The following NEGR1 variants were observed in gnomAD, a reference collection of about 807,000 sequenced individuals.
The protein encoded by NEGR1 is neuronal growth regulator 1.
NEGR1 carries 10 observed loss-of-function variants against 40.9 expected under a neutral mutation model. The observed-to-expected ratio is 0.24, with a 90% CI of 0.15 to 0.42. The LOEUF is 0.42. NEGR1 is among the 10% of genes least tolerant of loss of function. NEGR1 has a pLI of 1.00. For missense variants in NEGR1, 352 were observed against 438.9 expected, an observed-to-expected ratio of 0.80 and a Z score of 1.77; for synonymous variants, 185 against 166.8, an observed-to-expected ratio of 1.11 and a Z score of -0.84.
chr1:72,278,334 C>G (rs59875342), intron 1 of NEGR1, among the ~76,000 whole-genome samples: 251 of 152,052 alleles, frequency 1.7e-3, no homozygotes, highest in African/African-American at 5.7e-3. Context: ...TAAAAAAGTA[C>G]AAACTTCATA....
At chr1:71,755,815 T>C (rs939268340) in intron 3 of NEGR1, among the ~76,000 whole-genome samples, 1 of 152,194 alleles carries the variant, frequency 6.6e-6, no homozygotes, top group Non-Finnish European at 1.5e-5. Flanking sequence ...GTAGCTATAA[T>C]TTTTCCTCTT....
At chr1:71,907,384 C>A (rs1004409857) in intron 2 of NEGR1, among the ~76,000 whole-genome samples, 3 of 151,998 alleles carry the variant, frequency 2.0e-5, no homozygotes, top group Non-Finnish European at 4.4e-5. Context: ...TTATCAGAGA[C>A]ATAATTTGAA....
At chr1:71,564,282 C>T (rs548154738) in intron 6 of NEGR1, among the ~76,000 whole-genome samples, 1 of 152,086 alleles carries the variant, frequency 6.6e-6, no homozygotes, top group Admixed American at 6.6e-5. Flanking sequence ...TTATCATCAC[C>T]ACATACACTC....
At chr1:71,883,030 A>G (rs1660624001) in intron 2 of NEGR1, among the ~76,000 whole-genome samples, 1 of 152,122 alleles carries the variant, frequency 6.6e-6, no homozygotes, top group Admixed American at 6.6e-5. Flanking sequence ...ACTCAATTCA[A>G]TATATGTAAA....
intron 6 of NEGR1, among the ~76,000 whole-genome samples, chr1:71,544,680 C>T (rs1166566789): frequency 2.6e-5 from 4 of 151,712 alleles, no homozygotes; most frequent in Admixed American, 6.6e-5. Context: ...GTACAATTAT[C>T]TCCTGTCTGA....
intron 1 of NEGR1, among the ~76,000 whole-genome samples, chr1:72,132,478 GA>G (rs1650295519): frequency 6.6e-6 from 1 of 152,130 alleles, no homozygotes; most frequent in Admixed American, 6.5e-5. Flanking sequence ...AGCCATTCAT[GA>G]AAACAAACAA....
At chr1:72,043,761 G>A (rs1319880329) in intron 1 of NEGR1, among the ~76,000 whole-genome samples, 2 of 151,770 alleles carry the variant, frequency 1.3e-5, no homozygotes, top group African/African-American at 4.8e-5. Flanking sequence ...GTCACATATT[G>A]AATTCGCGGG....
intron 1 of NEGR1, among the ~76,000 whole-genome samples, chr1:72,091,132 C>A (rs1648473425): frequency 6.6e-6 from 1 of 152,068 alleles, no homozygotes; most frequent in Non-Finnish European, 1.5e-5. Context: ...CATTTAGACT[C>A]ATTTTACTAG....
chr1:72,198,416 A>G (rs1011755833), intron 1 of NEGR1, among the ~76,000 whole-genome samples: 8 of 152,068 alleles, frequency 5.3e-5, no homozygotes, highest in African/African-American at 1.9e-4. Context: ...TCCTAGCAAC[A>G]AGGTGGAAGG....
chr1:71,578,195 G>A (rs537386177), intron 6 of NEGR1, among the ~76,000 whole-genome samples: 4 of 152,078 alleles, frequency 2.6e-5, no homozygotes, highest in Non-Finnish European at 5.9e-5. Context: ...AGCCATCTCA[G>A]CTCTCTCATC....
intron 1 of NEGR1, among the ~76,000 whole-genome samples, chr1:72,002,381 T>A (rs2801327): frequency 2.0e-5 from 3 of 152,112 alleles, no homozygotes; most frequent in African/African-American, 4.8e-5. Flanking sequence ...AATTTTTCAT[T>A]CTCGCATTGA....
At chr1:71,797,519 C>T (rs1396946793) in intron 2 of NEGR1, among the ~76,000 whole-genome samples, 3 of 152,042 alleles carry the variant, frequency 2.0e-5, no homozygotes, top group Non-Finnish European at 2.9e-5. Flanking sequence ...CTATTTCCTT[C>T]TGTAAAATTT....
intron 6 of NEGR1, among the ~76,000 whole-genome samples, chr1:71,584,148 A>C (rs1649225515): frequency 6.6e-6 from 1 of 152,230 alleles, no homozygotes; most frequent in Non-Finnish European, 1.5e-5. Context: ...GTATCTCTGC[A>C]GAGAAATCCC....
At chr1:71,557,935 C>G (rs1648305287) in intron 6 of NEGR1, among the ~76,000 whole-genome samples, 1 of 151,506 alleles carries the variant, frequency 6.6e-6, no homozygotes, top group Non-Finnish European at 1.5e-5. Flanking sequence ...TATCTTGACA[C>G]TTGGAAGAGC....
At position 71,731,314 on chromosome 1, in the gene NEGR1, A is replaced by T. The variant is rs560108625; in HGVS notation, c.536-33175T>A. Reference sequence around the variant, plus strand: ...CACTGTTCTTCCAGAAGCCCCCTCTACTCAGAGTGGCTCTACTGCCAAATG... The same window carrying T: ...CACTGTTCTTCCAGAAGCCCCCTCTTCTCAGAGTGGCTCTACTGCCAAATG... On this transcript the variant is annotated intron_variant, in intron 3 of 6. Coordinates refer to ENST00000357731, the MANE Select transcript of NEGR1 (RefSeq NM_173808.3). Among the ~76,000 whole-genome samples the T allele has an allele frequency of 8.5e-4, 130 of 152,250 alleles. 1 individual carries two copies. Among genetic ancestry groups the T allele is most frequent in the Non-Finnish European group, 9.6e-4 (65 of 68,016 alleles).
At chr1:71,430,467 A>T (rs986415016) in intron 6 of NEGR1, among the ~76,000 whole-genome samples, 1 of 151,984 alleles carries the variant, frequency 6.6e-6, no homozygotes, top group East Asian at 1.9e-4. Flanking sequence ...TTGATTTTTT[A>T]ATGGTATTGA....
At chr1:71,745,867 C>A (rs1199053795) in intron 3 of NEGR1, among the ~76,000 whole-genome samples, 1 of 152,180 alleles carries the variant, frequency 6.6e-6, no homozygotes, top group Non-Finnish European at 1.5e-5. Flanking sequence ...TCTAATCTTG[C>A]ATCCTGCCTT....
At chr1:71,591,298 C>T (rs1649491550) in intron 6 of NEGR1, among the ~76,000 whole-genome samples, 1 of 152,106 alleles carries the variant, frequency 6.6e-6, no homozygotes, top group Admixed American at 6.5e-5. Flanking sequence ...ATATTATTTC[C>T]AGACATTTGT....
At chr1:72,145,645 T>C (rs1236970972) in intron 1 of NEGR1, among the ~76,000 whole-genome samples, 1 of 152,108 alleles carries the variant, frequency 6.6e-6, no homozygotes, top group African/African-American at 2.4e-5. Flanking sequence ...GTAAGCGGCA[T>C]TTAGTTGTAT....
Sources: gnomAD v4.1 joint callset for allele counts (sites outside exome capture counted in the v4.1 genomes callset) on GRCh38, gnomAD v4.1.1 for gene constraint, MANE v1.5 for transcripts, NCBI Gene and HGNC (gene_info 2026-07-23, HGNC 2026-07-21) for gene names.